The following LRP1B variants were observed in gnomAD, a reference collection of about 807,000 sequenced individuals.
LRP1B encodes the protein low-density lipoprotein receptor-related protein 1B.
In LRP1B, 217 loss-of-function variants were observed where a neutral mutation model predicts 556.6. The observed-to-expected ratio is 0.39, with a 90% CI of 0.35 to 0.44. The LOEUF is 0.44. Among genes scored for constraint, LRP1B ranks in the 20% least tolerant of loss-of-function variants. The probability of loss-of-function intolerance (pLI) is 1.00; values close to 1 mark genes in which losing one functional copy is unlikely to be tolerated. For synonymous variants in LRP1B, 2,047 were observed against 1,865.8 expected, an observed-to-expected ratio of 1.10 and a Z score of -2.50; for missense variants, 5,053 against 5,620.8, an observed-to-expected ratio of 0.90 and a Z score of 3.23.
chr2:141,294,509 G>T (rs1686105549), intron 3 of LRP1B, among the ~76,000 whole-genome samples: 1 of 151,828 alleles, frequency 6.6e-6, no homozygotes, highest in Non-Finnish European at 1.5e-5. Flanking sequence ...GATTGCTCCA[G>T]GCCAGGAGTT....
chr2:141,784,728 T>G lies in LRP1B; in HGVS notation c.205+25551A>C, dbSNP rs572737976. 4.4e-4 allele frequency among the ~76,000 whole-genome samples: 67 copies of G among 152,084 alleles called. 2 individuals are homozygous for G. The highest frequency in any genetic ancestry group is 1.5e-3 in the African/African-American group (64 of 41,540). ...ACATGTGCATTATATAATAAGCAAT[T>G]TCCCCTCCCGTCTCTTAAATAGAAC... is the stretch of plus-strand genomic sequence containing the variant. On this transcript the variant is annotated intron_variant, in intron 2 of 90. Transcript: ENST00000389484.
chr2:140,608,188 A>T (rs1222019529), intron 41 of LRP1B, among the ~76,000 whole-genome samples: 2 of 152,180 alleles, frequency 1.3e-5, no homozygotes, highest in East Asian at 3.8e-4. Flanking sequence ...CTGCTAAAAA[A>T]CTACTGAGTT....
At chr2:140,740,686 T>C (rs1688106797) in intron 35 of LRP1B, among the ~76,000 whole-genome samples, 1 of 152,122 alleles carries the variant, frequency 6.6e-6, no homozygotes, top group Non-Finnish European at 1.5e-5. Context: ...ATTCTCTACG[T>C]TCTGGAAGCT....
chr2:140,336,628 T>C (rs1217768836), intron 77 of LRP1B, among the ~76,000 whole-genome samples: 1 of 151,904 alleles, frequency 6.6e-6, no homozygotes, highest in Admixed American at 6.6e-5. Flanking sequence ...GCTAGACACA[T>C]TTAGGGTAAT....
chr2:141,897,785 C>T (rs577000509), intron 1 of LRP1B, among the ~76,000 whole-genome samples: 1 of 152,214 alleles, frequency 6.6e-6, no homozygotes, highest in African/African-American at 2.4e-5. Context: ...CCAGCAGTCA[C>T]CAGAATATTC....
At chr2:141,318,505 T>C (rs1055025235) in intron 3 of LRP1B, among the ~76,000 whole-genome samples, 1 of 152,156 alleles carries the variant, frequency 6.6e-6, no homozygotes, top group African/African-American at 2.4e-5. Context: ...TTCTTCACTT[T>C]ATCTCCTTTT....
At chr2:140,280,501 G>A (rs557846451) in intron 84 of LRP1B, among the ~76,000 whole-genome samples, 1 of 151,756 alleles carries the variant, frequency 6.6e-6, no homozygotes, top group Admixed American at 6.6e-5. Flanking sequence ...AATATAAAAT[G>A]GAAAGGATGA....
intron 7 of LRP1B, among the ~76,000 whole-genome samples, chr2:141,070,443 A>G (rs1333808862): frequency 3.3e-5 from 5 of 151,976 alleles, no homozygotes; most frequent in African/African-American, 1.2e-4. Flanking sequence ...CTATTAAAAG[A>G]ACTAGAAAAG....
At chr2:141,822,092 TACACACACACACACAC>T (rs149899299) in intron 1 of LRP1B, among the ~76,000 whole-genome samples, 36 of 112,410 alleles carry the variant, frequency 3.2e-4, no homozygotes, top group Non-Finnish European at 5.0e-4. Flanking sequence ...AAAAAATACA[TACACACACACACACAC>T]ACACACACAC....
intron 11 of LRP1B, 123 bp downstream of exon 11, chr2:141,048,863 T>C: frequency 1.4e-6 from 1 of 735,706 alleles, no homozygotes; most frequent in Non-Finnish European, 2.4e-6. Context: ...CATTAAAAAA[T>C]ATTTTTGAAC....
intron 2 of LRP1B, among the ~76,000 whole-genome samples, chr2:141,669,446 A>T (rs1690577930): frequency 6.6e-6 from 1 of 152,076 alleles, no homozygotes; most frequent in Admixed American, 6.5e-5. Context: ...TGGCTTCCCT[A>T]CAAAACTCAT....
At chr2:141,120,183 A>G (rs1019747247) in intron 7 of LRP1B, among the ~76,000 whole-genome samples, 4 of 151,904 alleles carry the variant, frequency 2.6e-5, no homozygotes, top group South Asian at 2.1e-4. Context: ...AAATCAAGGC[A>G]TGGACAAAAG....
chr2:140,465,934 GCA>G (rs1687527464), intron 60 of LRP1B, among the ~76,000 whole-genome samples: 1 of 151,892 alleles, frequency 6.6e-6, no homozygotes, highest in Non-Finnish European at 1.5e-5. Flanking sequence ...GTAAACAGCA[GCA>G]CATCAACACC....
chr2:141,082,092 A>T (rs1418139008), intron 7 of LRP1B, among the ~76,000 whole-genome samples: 1 of 151,310 alleles, frequency 6.6e-6, no homozygotes. Flanking sequence ...TGTGAAATGA[A>T]AAAGAGAAAG....
At chr2:140,466,470 A>G (rs1303170856) in intron 60 of LRP1B, among the ~76,000 whole-genome samples, 1 of 152,152 alleles carries the variant, frequency 6.6e-6, no homozygotes, top group Non-Finnish European at 1.5e-5. Flanking sequence ...ACACTTTAAT[A>G]TGAGGCTCTT....
intron 1 of LRP1B, among the ~76,000 whole-genome samples, chr2:141,970,679 C>A (rs976512581): frequency 3.3e-5 from 5 of 151,630 alleles, no homozygotes; most frequent in East Asian, 3.9e-4. Flanking sequence ...CCATAAAAAA[C>A]CATTCCTTCA....
intron 1 of LRP1B, among the ~76,000 whole-genome samples, chr2:141,951,218 G>A (rs956975121): frequency 6.6e-6 from 1 of 151,478 alleles, no homozygotes; most frequent in Non-Finnish European, 1.5e-5. Context: ...AGTTTTGGGG[G>A]TACATATGAT....
chr2:141,647,868 T>A (rs984096205), intron 2 of LRP1B, among the ~76,000 whole-genome samples: 1 of 151,984 alleles, frequency 6.6e-6, no homozygotes, highest in Non-Finnish European at 1.5e-5. Flanking sequence ...AGTTTATTAT[T>A]TGGAGTATGC....
chr2:141,134,896 A>G (rs2105037615), intron 7 of LRP1B, among the ~76,000 whole-genome samples: 1 of 151,912 alleles, frequency 6.6e-6, no homozygotes, highest in East Asian at 1.9e-4. Context: ...AGTTAAATAA[A>G]CCATACTTCA....
Sources: gnomAD v4.1 joint callset for allele counts (sites outside exome capture counted in the v4.1 genomes callset) on GRCh38, gnomAD v4.1.1 for gene constraint, MANE v1.5 for transcripts, NCBI Gene and HGNC (gene_info 2026-07-23, HGNC 2026-07-21) for gene names.